SH3D19: variants seen among roughly 807,000 people sequenced by gnomAD.
The protein encoded by SH3D19 is SH3 domain-containing protein 19.
In SH3D19, 58 loss-of-function variants were observed where a neutral mutation model predicts 112.1. That is an observed-to-expected ratio of 0.52 (90% CI 0.42 to 0.64). The LOEUF (loss-of-function observed/expected upper bound fraction) is 0.64. SH3D19 is among the 30% of genes least tolerant of loss of function. The pLI, the probability that SH3D19 is intolerant of heterozygous loss-of-function variation, is 0.00. For synonymous variants in SH3D19, 391 were observed against 448.5 expected (o/e 0.87, Z 1.62); for missense variants, 1,090 against 1,263.4 (o/e 0.86, Z 2.08).
intron 1 of SH3D19, among the ~76,000 whole-genome samples, chr4:151,238,321 G>C (rs1158477760): frequency 6.6e-6 from 1 of 152,182 alleles, no homozygotes; most frequent in Non-Finnish European, 1.5e-5. Flanking sequence ...TTTCAGGATA[G>C]TATGGAATTC....
chr4:151,255,726 G>C (rs1481755813), intron 1 of SH3D19, among the ~76,000 whole-genome samples: 1 of 152,234 alleles, frequency 6.6e-6, no homozygotes, highest in African/African-American at 2.4e-5. Flanking sequence ...CTGCACTCCA[G>C]CCTGGGCACC....
chr4:151,237,959 C>T (rs928173140), intron 1 of SH3D19, among the ~76,000 whole-genome samples: 2 of 152,136 alleles, frequency 1.3e-5, no homozygotes, highest in Non-Finnish European at 1.5e-5. Flanking sequence ...CCTTCTGAAC[C>T]AGGGGCTATA....
At chr4:151,152,432 A>C (rs1755209835) in intron 9 of SH3D19, among the ~76,000 whole-genome samples, 1 of 151,908 alleles carries the variant, frequency 6.6e-6, no homozygotes, top group Non-Finnish European at 1.5e-5. Context: ...TTGTCTCTGC[A>C]GATTCCATCT....
chr4:151,167,880 C>T (rs1043681388), intron 7 of SH3D19, among the ~76,000 whole-genome samples: 17 of 150,662 alleles, frequency 1.1e-4, no homozygotes, highest in African/African-American at 3.9e-4. Context: ...CGCCTCTTAC[C>T]GGCTGCCCCG....
chr4:151,284,262 T>C (rs927792160), intron 1 of SH3D19, among the ~76,000 whole-genome samples: 2 of 152,248 alleles, frequency 1.3e-5, no homozygotes, highest in African/African-American at 4.8e-5. Context: ...TTTATTTTTA[T>C]GTTTTTCTCT....
chr4:151,160,743 A>G (rs1265698777), intron 8 of SH3D19, among the ~76,000 whole-genome samples: 2 of 151,770 alleles, frequency 1.3e-5, no homozygotes, highest in Non-Finnish European at 2.9e-5. Flanking sequence ...AACCTATAAC[A>G]AGAAGATGAT....
At chr4:151,324,870 G>A (rs1730897136) in intron 1 of SH3D19, among the ~76,000 whole-genome samples, 1 of 152,070 alleles carries the variant, frequency 6.6e-6, no homozygotes, top group African/African-American at 2.4e-5. Context: ...GGCTGCGGCG[G>A]CGCAGGCAAA....
At chr4:151,258,872 G>A (rs1266347761) in intron 1 of SH3D19, among the ~76,000 whole-genome samples, 1 of 152,056 alleles carries the variant, frequency 6.6e-6, no homozygotes, top group Non-Finnish European at 1.5e-5. Flanking sequence ...CTGGCCCTCA[G>A]GACAGAGACA....
In SH3D19 at chr4:151,273,505, G is replaced by A. The variant is rs539465097; in HGVS notation, c.113-47419C>T. On this transcript the variant is annotated intron_variant, in intron 1 of 19. Transcript: ENST00000604030. ...CTCGGGAGGCTGAGGCAGGTGAATC[G>A]CTTGAACCTCGGAGGCGGAGGTTGC... Among the ~76,000 whole-genome samples, 50 of 144,038 alleles carry A rather than the reference G, an allele frequency of 3.5e-4. 3 individuals are homozygous for A. In the South Asian group the frequency reaches 0.011, roughly 32 times the overall value. The allele number at this position is 144,038 out of a possible 152,430, so 94.5% of individuals were successfully genotyped here.
intron 2 of SH3D19, among the ~76,000 whole-genome samples, chr4:151,204,299 C>T (rs990515825): frequency 3.9e-5 from 6 of 152,132 alleles, no homozygotes; most frequent in Admixed American, 2.6e-4. Context: ...ACAGGACTCA[C>T]CACTTTGACT....
At chr4:151,275,065 G>A (rs1351326874) in intron 1 of SH3D19, among the ~76,000 whole-genome samples, 4 of 151,414 alleles carry the variant, frequency 2.6e-5, no homozygotes, top group African/African-American at 9.7e-5. Context: ...CTGAAGTATG[G>A]AAGTGCGGTT....
chr4:151,227,636 CTCAA>C, intron 1 of SH3D19: 3 of 462,722 alleles, frequency 6.5e-6, no homozygotes, highest in Non-Finnish European at 8.5e-6. Context: ...AATCATTTCT[CTCAA>C]TCATTCTCCA....
chr4:151,122,191 GTTA>G lies in SH3D19; in HGVS notation c.3041_3043del (p.Ile1014del). The G allele has an allele frequency of 6.3e-7, 1 of 1,596,188 alleles. No homozygotes were observed. On this transcript the variant is annotated inframe_deletion, in exon 20 of 20. Transcript: ENST00000604030. ...GTCATCATCTACAGATTCCAGCTCT[GTTA>G]TTATATCTCCAGCCTGTAAGACAAA...
chr4:151,206,828 T>A (rs1210781774), intron 2 of SH3D19, among the ~76,000 whole-genome samples: 3 of 152,178 alleles, frequency 2.0e-5, no homozygotes, highest in African/African-American at 7.2e-5. Flanking sequence ...TTCTCGTGCA[T>A]GCTCTCATTC....
At chr4:151,298,903 T>C (rs1323431413) in intron 1 of SH3D19, among the ~76,000 whole-genome samples, 4 of 152,174 alleles carry the variant, frequency 2.6e-5, no homozygotes, top group African/African-American at 9.7e-5. Context: ...TTTCCACTTC[T>C]ACTTATCAAA....
intron 3 of SH3D19, among the ~76,000 whole-genome samples, chr4:151,180,558 G>A (rs915839250): frequency 2.7e-5 from 4 of 148,770 alleles, no homozygotes; most frequent in African/African-American, 5.0e-5. Flanking sequence ...AGGCGCCCGC[G>A]ACCATGCCTG....
intron 1 of SH3D19, among the ~76,000 whole-genome samples, chr4:151,259,784 C>CA (rs1404107083): frequency 6.6e-6 from 1 of 152,192 alleles, no homozygotes; most frequent in Non-Finnish European, 1.5e-5. Flanking sequence ...CTCTAGCTCT[C>CA]AGTTCAGTGC....
At chr4:151,287,466 G>A (rs541670407) in intron 1 of SH3D19, among the ~76,000 whole-genome samples, 2 of 152,044 alleles carry the variant, frequency 1.3e-5, no homozygotes, top group Non-Finnish European at 2.9e-5. Context: ...GAACAGAGGT[G>A]TAAAAATCCT....
intron 11 of SH3D19, among the ~76,000 whole-genome samples, chr4:151,147,413 T>C (rs1011183596): frequency 6.6e-6 from 1 of 152,222 alleles, no homozygotes; most frequent in African/African-American, 2.4e-5. Flanking sequence ...CTTTCTCTCC[T>C]CTTTCCCTAC....
Sources: allele counts gnomAD v4.1 joint callset (sites outside exome capture counted in the v4.1 genomes callset), GRCh38; gene constraint gnomAD v4.1.1; transcripts MANE v1.5; gene names NCBI Gene and HGNC (gene_info 2026-07-23, HGNC 2026-07-21).